Variants in CAMTA1 observed in about 807,000 individuals in gnomAD.
CAMTA1 encodes calmodulin-binding transcription activator 1.
CAMTA1 carries 27 observed loss-of-function variants against 170.9 expected under a neutral mutation model. That is an observed-to-expected ratio of 0.16 (90% confidence interval 0.12 to 0.22). CAMTA1 has a LOEUF of 0.22. CAMTA1 is among the 10% of genes least tolerant of loss of function. The pLI is 1.00. For missense variants in CAMTA1, 1,619 were observed against 2,217.2 expected, an observed-to-expected ratio of 0.73 and a Z score of 5.42; for synonymous variants, 833 against 891.5, an observed-to-expected ratio of 0.93 and a Z score of 1.17.
rs537209512 is a variant in CAMTA1, at chr1:6,896,333, G to A, written c.234+71123G>A. Among the ~76,000 whole-genome samples the A allele has an allele frequency of 8.4e-4, 128 of 152,272 alleles. 1 individual carries two copies. Among genetic ancestry groups the A allele is most frequent in the Middle Eastern group, 6.8e-3 (2 of 294 alleles). The stretch of plus-strand genomic sequence containing the variant: ...AGTAGGAGTTCACCAGTGGCGATCT[G>A]CCTCTGTGTCCTTCCTGGGGCAGTG... On this transcript the variant is annotated intron_variant, in intron 3 of 22. Transcript: ENST00000303635.
chr1:7,667,364 G>A (rs571204157), intron 9 of CAMTA1, among the ~76,000 whole-genome samples: 4 of 152,286 alleles, frequency 2.6e-5, no homozygotes, highest in African/African-American at 9.6e-5. Flanking sequence ...GGTGCGGGGG[G>A]ACGGTCAGAG....
chr1:6,937,717 A>ACCATCACCATCATCACAG (rs1553191868), intron 3 of CAMTA1, among the ~76,000 whole-genome samples: 6 of 148,796 alleles, frequency 4.0e-5, no homozygotes, highest in Non-Finnish European at 3.0e-5. Context: ...CACCACCATC[A>ACCATCACCATCATCACAG]CCATCACCAT....
At chr1:7,370,348 G>A (rs2086345022) in intron 5 of CAMTA1, 2 of 152,190 alleles carry the variant, frequency 1.3e-5, no homozygotes, top group South Asian at 2.1e-4. Flanking sequence ...GAAAATAGAA[G>A]CAAACCCATC....
At chr1:7,296,105 A>G (rs531232788) in intron 5 of CAMTA1, among the ~76,000 whole-genome samples, 16 of 152,352 alleles carry the variant, frequency 1.1e-4, no homozygotes, top group African/African-American at 3.6e-4. Context: ...GGTGAATGCC[A>G]TGTGGGCCTC....
intron 4 of CAMTA1, among the ~76,000 whole-genome samples, chr1:7,130,578 GTGTA>G (rs1478555341): frequency 1.3e-5 from 2 of 152,316 alleles, no homozygotes; most frequent in East Asian, 3.9e-4. Flanking sequence ...TCTTCCAGCA[GTGTA>G]TGTGAGAGTT....
intron 6 of CAMTA1, among the ~76,000 whole-genome samples, chr1:7,485,020 A>G (rs2093599235): frequency 6.6e-6 from 1 of 152,120 alleles, no homozygotes; most frequent in African/African-American, 2.4e-5. Flanking sequence ...ACCATGGGCC[A>G]TGCCTGCCCT....
chr1:7,020,719 G>A (rs566224944), intron 3 of CAMTA1, among the ~76,000 whole-genome samples: 5 of 152,296 alleles, frequency 3.3e-5, no homozygotes, highest in Admixed American at 2.0e-4. Context: ...CTTGAGCTGC[G>A]ATATGGGGCA....
intron 3 of CAMTA1, among the ~76,000 whole-genome samples, chr1:7,040,404 C>T (rs1018983032): frequency 5.3e-5 from 8 of 152,238 alleles, no homozygotes; most frequent in Admixed American, 3.9e-4. Context: ...ATGGTTGCTT[C>T]GGAGTCATTA....
chr1:7,011,720 C>T (rs564779577), intron 3 of CAMTA1, among the ~76,000 whole-genome samples: 2 of 152,302 alleles, frequency 1.3e-5, no homozygotes, highest in African/African-American at 4.8e-5. Context: ...TCCACGTCCC[C>T]CACTACAGTG....
At chr1:6,867,114 T>C (rs1206106809) in intron 3 of CAMTA1, among the ~76,000 whole-genome samples, 1 of 152,228 alleles carries the variant, frequency 6.6e-6, no homozygotes, top group Non-Finnish European at 1.5e-5. Flanking sequence ...TTGTACATTT[T>C]GCAAGTGTGC....
chr1:6,877,343 G>A (rs889169076), intron 3 of CAMTA1, among the ~76,000 whole-genome samples: 2 of 152,152 alleles, frequency 1.3e-5, no homozygotes, highest in African/African-American at 2.4e-5. Context: ...GCTGCTTTAG[G>A]TGTCCATCCT....
intron 5 of CAMTA1, among the ~76,000 whole-genome samples, chr1:7,260,294 A>G (rs1667979361): frequency 1.3e-5 from 2 of 152,212 alleles, no homozygotes; most frequent in Admixed American, 1.3e-4. Flanking sequence ...GCCTGATGCT[A>G]TTCATACTCA....
intron 4 of CAMTA1, among the ~76,000 whole-genome samples, chr1:7,132,363 C>T (rs1399534138): frequency 6.6e-6 from 1 of 152,138 alleles, no homozygotes; most frequent in Non-Finnish European, 1.5e-5. Context: ...CAGCCTTGAA[C>T]TCCTGGGCTC....
intron 3 of CAMTA1, among the ~76,000 whole-genome samples, chr1:7,026,801 T>C (rs187714745): frequency 6.6e-6 from 1 of 152,218 alleles, no homozygotes; most frequent in Admixed American, 6.5e-5. Flanking sequence ...CAGCTAATTT[T>C]TCTATTTTTA....
At chr1:7,296,859 C>A (rs1674029146) in intron 5 of CAMTA1, among the ~76,000 whole-genome samples, 2 of 151,704 alleles carry the variant, frequency 1.3e-5, no homozygotes, top group East Asian at 2.0e-4. Flanking sequence ...AAGACTTAGA[C>A]CCCTGACACC....
At chr1:6,879,502 T>G (rs1670851104) in intron 3 of CAMTA1, among the ~76,000 whole-genome samples, 1 of 152,238 alleles carries the variant, frequency 6.6e-6, no homozygotes, top group Non-Finnish European at 1.5e-5. Flanking sequence ...CATGTGGAAT[T>G]TGAACCGGAC....
rs74051184 is a variant in CAMTA1 at position 7,207,491 on chromosome 1, C to A, written c.303-42000C>A. 6.0e-4 allele frequency among the ~76,000 whole-genome samples: 92 copies of A among 152,214 alleles called. No homozygotes were observed. In the East Asian group the frequency reaches 0.011, roughly 18 times the overall value. On this transcript the variant is annotated intron_variant, in intron 4 of 22. Transcript: ENST00000303635. ...ATTCATTCTGATAAAAATGTATATA[C>A]CACCTAAAAATATACACTCTATTTT... is the stretch of plus-strand genomic sequence containing the variant.
chr1:6,793,025 T>TTATATATATATACCCCACTCTTA (rs1368341429), intron 1 of CAMTA1, among the ~76,000 whole-genome samples: 3 of 151,828 alleles, frequency 2.0e-5, no homozygotes, highest in Non-Finnish European at 4.4e-5. Context: ...CATATATATC[T>TTATATATATATACCCCACTCTTA]TATATATATA....
intron 7 of CAMTA1, among the ~76,000 whole-genome samples, chr1:7,657,808 T>C (rs758749563): frequency 6.7e-6 from 1 of 150,112 alleles, no homozygotes; most frequent in African/African-American, 2.4e-5. Context: ...AATCTGCATA[T>C]TGGATGTGCC....
Sources: allele counts gnomAD v4.1 joint callset (sites outside exome capture counted in the v4.1 genomes callset), GRCh38; gene constraint gnomAD v4.1.1; transcripts MANE v1.5; gene names NCBI Gene and HGNC (gene_info 2026-07-23, HGNC 2026-07-21).